CYP39A1: variants seen among roughly 807,000 people sequenced by gnomAD.
CYP39A1 encodes the protein cytochrome P450 family 39 subfamily A member 1.
Under a neutral mutation model 58.1 loss-of-function variants are expected in CYP39A1, and 49 were observed. The observed-to-expected ratio is 0.84, with a 90% CI of 0.67 to 1.07. CYP39A1 has a LOEUF of 1.07. Ranked by LOEUF, CYP39A1 falls within the 50% of genes least tolerant of loss-of-function variation. CYP39A1 has a pLI of 0.00. For missense variants in CYP39A1, 531 were observed against 539.4 expected, an observed-to-expected ratio of 0.98 and a Z score of 0.16; for synonymous variants, 209 against 187.6, an observed-to-expected ratio of 1.11 and a Z score of -0.93.
intron 7 of CYP39A1, 78 bp from the exon 8 acceptor site, chr6:46,596,198 G>T (rs1773148323): frequency 9.0e-7 from 1 of 1,105,550 alleles, no homozygotes; most frequent in East Asian, 2.6e-5. Context: ...ATCAGCAGAG[G>T]TTAGATGTTG....
chr6:46,584,035 A>C (rs1281022176), intron 10 of CYP39A1, among the ~76,000 whole-genome samples: 3 of 152,156 alleles, frequency 2.0e-5, no homozygotes, highest in Admixed American at 1.3e-4. Context: ...ATTACAACTA[A>C]GGATTTGTGG....
chr6:46,603,381 A>T (rs1773633437), intron 7 of CYP39A1, among the ~76,000 whole-genome samples: 1 of 152,226 alleles, frequency 6.6e-6, no homozygotes, highest in Non-Finnish European at 1.5e-5. Flanking sequence ...TGTGGGCTAG[A>T]TGAATATACA....
At chr6:46,570,941 C>CATGTTACA (rs1221320726) in intron 10 of CYP39A1, among the ~76,000 whole-genome samples, 2 of 152,154 alleles carry the variant, frequency 1.3e-5, no homozygotes, top group Admixed American at 1.3e-4. Context: ...TCCATTTTTA[C>CATGTTACA]TTGTCTCAAA....
At chr6:46,649,087 T>A (rs1022135160) in intron 1 of CYP39A1, among the ~76,000 whole-genome samples, 1 of 152,222 alleles carries the variant, frequency 6.6e-6, no homozygotes, top group Non-Finnish European at 1.5e-5. Context: ...ATTTCGTAAC[T>A]AAAGATTGGG....
chr6:46,634,749 T>G (rs1451136525), intron 5 of CYP39A1, among the ~76,000 whole-genome samples: 1 of 152,154 alleles, frequency 6.6e-6, no homozygotes, highest in Non-Finnish European at 1.5e-5. Context: ...CTCGAACTTC[T>G]GACCTTAGGT....
intron 7 of CYP39A1, among the ~76,000 whole-genome samples, chr6:46,605,134 G>C (rs1773762765): frequency 6.6e-6 from 1 of 152,140 alleles, no homozygotes; most frequent in African/African-American, 2.4e-5. Context: ...GGTTGGACAA[G>C]CTTCTTCTAG....
At chr6:46,631,540 T>C (rs1020985628) in intron 5 of CYP39A1, among the ~76,000 whole-genome samples, 1 of 152,220 alleles carries the variant, frequency 6.6e-6, no homozygotes, top group Admixed American at 6.5e-5. Flanking sequence ...CCCTCCACAC[T>C]GCTCTGGAAT....
intron 10 of CYP39A1, among the ~76,000 whole-genome samples, chr6:46,564,183 CTATTTTATTT>C (rs1276171636): frequency 5.1e-4 from 42 of 82,098 alleles, no homozygotes; most frequent in Admixed American, 2.1e-3. Flanking sequence ...CTATTTTATT[CTATTTTATTT>C]TATTTTATTT....
chr6:46,552,908 C>T (rs1177576391), intron 11 of CYP39A1, among the ~76,000 whole-genome samples: 1 of 151,886 alleles, frequency 6.6e-6, no homozygotes, highest in Non-Finnish European at 1.5e-5. Context: ...ATTAGCCAGG[C>T]ATGGTGGTGT....
intron 1 of CYP39A1, among the ~76,000 whole-genome samples, chr6:46,646,325 T>G (rs74411519): frequency 3.9e-5 from 6 of 152,230 alleles, no homozygotes; most frequent in Non-Finnish European, 7.4e-5. Context: ...TGAATGGATA[T>G]CAGGAATGGA....
At position 46,587,150 on chromosome 6, in the gene CYP39A1, C is replaced by T. The variant is rs747825619; in HGVS notation, c.1177G>A (p.Ala393Thr). 3.7e-6 allele frequency: 6 copies of T among 1,610,362 alleles called. No individual in the cohort carries two copies. In the South Asian group the frequency reaches 6.6e-5, roughly 18 times the overall value. The stretch of plus-strand genomic sequence containing the variant: ...AAGAAAGAGTGCTTCTCTAAATTTG[C>T]CTTTTTCCAACGTTCCTGTGGGAAG... Reference protein sequence around the residue: ...ELFKPERWKKANLEKHSFLDC... With the variant: ...ELFKPERWKKTNLEKHSFLDC... Residue 393 changes from alanine (A) to threonine (T), a missense_variant, in exon 10 of 12, where the codon GCA (alanine) becomes ACA (threonine). By Grantham distance (58) the Ala-to-Thr change is moderately conservative (BLOSUM62 0). Transcript: ENST00000275016.
intron 7 of CYP39A1, among the ~76,000 whole-genome samples, chr6:46,610,092 A>G (rs146975840): frequency 0.01 from 1,566 of 152,308 alleles, 7 homozygotes; most frequent in Admixed American, 0.016. Context: ...TTCCAAATGT[A>G]GATCGTTTGG....
chr6:46,652,751 G>A lies in CYP39A1; in HGVS notation c.-169C>T, dbSNP rs987412814. On this transcript the variant is annotated 5_prime_UTR_variant, in exon 1 of 12. Coordinates refer to ENST00000275016, the MANE Select transcript of CYP39A1 (RefSeq NM_016593.5). ...CCTTCCTCTGTCCCAGTTTTCAGGT[G>A]ATTTTTCCATTGTCGCTCCCTCCCA... is the stretch of plus-strand genomic sequence containing the variant. 81 of 587,644 alleles carry A rather than the reference G, an allele frequency of 1.4e-4. No individual in the cohort carries two copies. The highest frequency in any genetic ancestry group is 2.1e-4 in the Non-Finnish European group (74 of 353,772). 36.4% of individuals were successfully genotyped at this position (587,644 alleles called of 1,614,324 possible).
chr6:46,622,743 G>C (rs1471797908), intron 7 of CYP39A1, among the ~76,000 whole-genome samples: 1 of 152,146 alleles, frequency 6.6e-6, no homozygotes, highest in East Asian at 1.9e-4. Context: ...AAGGTGTACA[G>C]GATTAGTTAG....
chr6:46,627,102 C>T (rs1775356811), intron 6 of CYP39A1, among the ~76,000 whole-genome samples: 1 of 151,996 alleles, frequency 6.6e-6, no homozygotes, highest in South Asian at 2.1e-4. Flanking sequence ...GGAAAATGGC[C>T]AAACACTTTT....
chr6:46,617,107 T>C (rs1774656482), intron 7 of CYP39A1, among the ~76,000 whole-genome samples: 1 of 152,160 alleles, frequency 6.6e-6, no homozygotes, highest in Non-Finnish European at 1.5e-5. Context: ...AGTGCCCTGG[T>C]TAAGTGGCCC....
In CYP39A1 at chr6:46,652,471, A is replaced by G. The variant is rs200207484; in HGVS notation, c.112T>C (p.Trp38Arg). 24 of 1,613,826 alleles carry G rather than the reference A, an allele frequency of 1.5e-5. No individual in the cohort carries two copies. The highest frequency in any genetic ancestry group is 2.0e-5 in the Non-Finnish European group (24 of 1,179,970). ...RPPCIKGWIP[W>R]IGVGFEFGKA... ...CCAAACTCAAATCCAACTCCAATCC[A>G]AGGAATCCAGCCCTTGATGCACGGG... Residue 38 changes from tryptophan to arginine, a missense_variant, in exon 1 of 12, where the codon TGG (tryptophan) becomes CGG (arginine). Trp to Arg is a moderately radical substitution (Grantham distance 101). Coordinates refer to ENST00000275016, the MANE Select transcript of CYP39A1 (RefSeq NM_016593.5).
chr6:46,550,360 C>T lies in CYP39A1; in HGVS notation c.*6G>A, dbSNP rs200752694. 10 of 1,612,300 alleles carry T rather than the reference C, an allele frequency of 6.2e-6. No homozygotes were observed. The highest frequency in any genetic ancestry group is 4.0e-5 in the African/African-American group (3 of 74,992). On this transcript the variant is annotated 3_prime_UTR_variant, in exon 12 of 12. Coordinates refer to ENST00000275016, the MANE Select transcript of CYP39A1 (RefSeq NM_016593.5). The stretch of plus-strand genomic sequence containing the variant: ...AGGCCCTGGTCCTTGTGAGGCCCAA[C>T]AGATGTCATATTCTTTGTTTATATT...
chr6:46,562,708 A>T (rs1200273866), intron 10 of CYP39A1, among the ~76,000 whole-genome samples: 2 of 152,100 alleles, frequency 1.3e-5, no homozygotes, highest in Admixed American at 1.3e-4. Context: ...TGAGGAACAG[A>T]ATGAATAATA....
Sources: gnomAD v4.1 joint callset for allele counts (sites outside exome capture counted in the v4.1 genomes callset) on GRCh38, gnomAD v4.1.1 for gene constraint, MANE v1.5 for transcripts, NCBI Gene and HGNC (gene_info 2026-07-23, HGNC 2026-07-21) for gene names.